The following DENND1A variants were observed in gnomAD, a reference collection of about 807,000 sequenced individuals.
DENND1A encodes DENN domain containing 1A.
A neutral mutation model predicts 113.7 loss-of-function variants in DENND1A; 51 were observed. The ratio of observed to expected loss-of-function variants is 0.45; its 90% CI spans 0.36 to 0.57. The LOEUF is 0.57. DENND1A is among the 20% of genes least tolerant of loss of function. The pLI, the probability that DENND1A is intolerant of heterozygous loss-of-function variation, is 0.00. For missense variants in DENND1A, 1,258 were observed against 1,395.9 expected (o/e 0.90, Z 1.57); for synonymous variants, 565 against 570.8 (o/e 0.99, Z 0.14).
chr9:123,806,615 A>G (rs912087964), intron 2 of DENND1A, among the ~76,000 whole-genome samples: 6 of 152,238 alleles, frequency 3.9e-5, no homozygotes, highest in Admixed American at 3.9e-4. Flanking sequence ...GTGACATCAC[A>G]TCAGCACTCA....
intron 2 of DENND1A, among the ~76,000 whole-genome samples, chr9:123,845,329 A>G (rs1564377946): frequency 6.6e-6 from 1 of 152,186 alleles, no homozygotes; most frequent in African/African-American, 2.4e-5. Flanking sequence ...GAAAGAATAA[A>G]GTTAGACTCC....
intron 4 of DENND1A, among the ~76,000 whole-genome samples, chr9:123,769,147 C>T (rs1441262277): frequency 2.0e-5 from 3 of 152,102 alleles, no homozygotes; most frequent in East Asian, 1.9e-4. Context: ...CTATATAATA[C>T]AAAACGTTGG....
intron 13 of DENND1A, among the ~76,000 whole-genome samples, chr9:123,504,325 C>CT (rs1491492777): frequency 6.6e-6 from 1 of 152,204 alleles, no homozygotes; most frequent in African/African-American, 2.4e-5. Flanking sequence ...GACTTCTTGA[C>CT]TCTCTTTTCA....
intron 13 of DENND1A, among the ~76,000 whole-genome samples, chr9:123,487,875 A>C (rs2051030233): frequency 6.6e-6 from 1 of 152,240 alleles, no homozygotes; most frequent in African/African-American, 2.4e-5. Flanking sequence ...GAACAGATGA[A>C]GAAACTGAGG....
At chr9:123,702,307 G>A (rs1388898117) in intron 5 of DENND1A, among the ~76,000 whole-genome samples, 3 of 152,174 alleles carry the variant, frequency 2.0e-5, no homozygotes, top group East Asian at 1.9e-4. Context: ...TGAGATTTAC[G>A]GAATGGCATC....
intron 10 of DENND1A, among the ~76,000 whole-genome samples, chr9:123,616,457 C>T (rs2138006572): frequency 6.6e-6 from 1 of 152,242 alleles, no homozygotes; most frequent in South Asian, 2.1e-4. Context: ...ACTATATTTG[C>T]CTTACTAGCT....
rs113738352 is a variant in DENND1A, at chr9:123,525,562, C to T, written c.993+32008G>A. The stretch of plus-strand genomic sequence containing the variant: ...GGATCCGTTTCTCACTGATCAATAA[C>T]TCACTGAACAATACCGGCTGGCACT... On this transcript the variant is annotated intron_variant, in intron 13 of 23. Transcript: ENST00000394215. Among the ~76,000 whole-genome samples the T allele has an allele frequency of 6.9e-3, 1,057 of 152,266 alleles. 17 individuals carry two copies. The highest frequency in any genetic ancestry group is 0.024 in the African/African-American group (1,001 of 41,540).
intron 9 of DENND1A, among the ~76,000 whole-genome samples, chr9:123,638,014 C>T (rs2061809782): frequency 6.6e-6 from 1 of 152,004 alleles, no homozygotes; most frequent in African/African-American, 2.4e-5. Context: ...AAAGCGTCTT[C>T]CCCCAACAGC....
chr9:123,676,606 T>G, intron 6 of DENND1A, 114 bp downstream of exon 6: 1 of 916,610 alleles, frequency 1.1e-6, no homozygotes, highest in Non-Finnish European at 1.6e-6. Flanking sequence ...TTTCCCAAAA[T>G]TCCTATAATG....
chr9:123,426,548 T>A (rs774441903), intron 19 of DENND1A, among the ~76,000 whole-genome samples: 31 of 152,200 alleles, frequency 2.0e-4, no homozygotes, highest in Non-Finnish European at 3.8e-4. Flanking sequence ...AGAGGCAGAA[T>A]GGAGCCAGGG....
intron 5 of DENND1A, among the ~76,000 whole-genome samples, chr9:123,739,497 G>T (rs530515202): frequency 6.6e-6 from 1 of 152,294 alleles, no homozygotes; most frequent in African/African-American, 2.4e-5. Flanking sequence ...TGGGAGTGAT[G>T]AATTGAGAAA....
intron 8 of DENND1A, among the ~76,000 whole-genome samples, chr9:123,660,219 G>C (rs1159624740): frequency 6.6e-6 from 1 of 152,132 alleles, no homozygotes; most frequent in East Asian, 1.9e-4. Context: ...AAGGATTAAA[G>C]TGGAAGCATG....
intron 13 of DENND1A, among the ~76,000 whole-genome samples, chr9:123,484,119 T>C (rs1382761775): frequency 6.6e-6 from 1 of 152,158 alleles, no homozygotes; most frequent in African/African-American, 2.4e-5. Flanking sequence ...ATCCTGAAAG[T>C]TTCTCATTCA....
At chr9:123,658,977 A>C (rs574344313) in intron 8 of DENND1A, among the ~76,000 whole-genome samples, 67 of 152,318 alleles carry the variant, frequency 4.4e-4, no homozygotes, top group Non-Finnish European at 7.8e-4. Flanking sequence ...TGGTTTTAGC[A>C]CTTCCTGGTT....
chr9:123,420,744 G>A (rs546783505), intron 19 of DENND1A, among the ~76,000 whole-genome samples: 42 of 152,110 alleles, frequency 2.8e-4, no homozygotes, highest in Admixed American at 9.8e-4. Flanking sequence ...ATTACTTCCC[G>A]TGCAAAGAGC....
At chr9:123,493,318 G>T (rs1337242557) in intron 13 of DENND1A, among the ~76,000 whole-genome samples, 1 of 152,336 alleles carries the variant, frequency 6.6e-6, no homozygotes, top group Middle Eastern at 3.4e-3. Context: ...GAGGTTGGGG[G>T]GAGACTTGGT....
intron 13 of DENND1A, among the ~76,000 whole-genome samples, chr9:123,538,798 G>C (rs1401291524): frequency 1.9e-5 from 2 of 103,496 alleles, no homozygotes; most frequent in African/African-American, 3.8e-5. Flanking sequence ...ATCCAAAGGT[G>C]ACAACTCATA....
At chr9:123,694,077 G>A (rs1298341575) in intron 5 of DENND1A, among the ~76,000 whole-genome samples, 1 of 151,424 alleles carries the variant, frequency 6.6e-6, no homozygotes, top group Non-Finnish European at 1.5e-5. Flanking sequence ...CTTGTGATAT[G>A]CCTGCCTTGG....
intron 13 of DENND1A, among the ~76,000 whole-genome samples, chr9:123,459,973 T>A (rs899831504): frequency 3.9e-5 from 6 of 152,192 alleles, no homozygotes; most frequent in Non-Finnish European, 8.8e-5. Context: ...GCAGCTTATA[T>A]GAGCATCTAA....
Sources: allele counts gnomAD v4.1 joint callset (sites outside exome capture counted in the v4.1 genomes callset), GRCh38; gene constraint gnomAD v4.1.1; transcripts MANE v1.5; gene names NCBI Gene and HGNC (gene_info 2026-07-23, HGNC 2026-07-21).